Variants in ADGRG7 observed in about 807,000 individuals in gnomAD.
The protein encoded by ADGRG7 is G-protein coupled receptor 128.
Under a neutral mutation model 88.6 loss-of-function variants are expected in ADGRG7, and 82 were observed. That is an observed-to-expected ratio of 0.93 (90% CI 0.77 to 1.11). ADGRG7 has a LOEUF of 1.11. Among genes scored for constraint, ADGRG7 ranks in the 50% most tolerant of loss-of-function variants. The probability of loss-of-function intolerance (pLI) is 0.00; values close to 1 mark genes in which losing one functional copy is unlikely to be tolerated. For synonymous variants in ADGRG7, 381 were observed against 345.2 expected, an observed-to-expected ratio of 1.10 and a Z score of -1.15; for missense variants, 945 against 953.4, an observed-to-expected ratio of 0.99 and a Z score of 0.12.
At chr3:100,658,192 C>T (rs886701561) in intron 13 of ADGRG7, among the ~76,000 whole-genome samples, 21 of 152,132 alleles carry the variant, frequency 1.4e-4, no homozygotes, top group Admixed American at 5.9e-4. Context: ...CATACCACAT[C>T]CAACCCATCA....
intron 1 of ADGRG7, among the ~76,000 whole-genome samples, chr3:100,620,709 T>C (rs985381751): frequency 2.0e-5 from 3 of 152,170 alleles, no homozygotes; most frequent in African/African-American, 7.2e-5. Context: ...GGAGAATCTG[T>C]CCCTCACAGA....
At chr3:100,654,520 G>A (rs1227617659) in intron 11 of ADGRG7, 13 of 240,768 alleles carry the variant, frequency 5.4e-5, no homozygotes, top group African/African-American at 1.8e-4. Flanking sequence ...GGACTACGCA[G>A]GGCTACCTAC....
In ADGRG7 at chr3:100,633,283, T is replaced by A. The variant is rs1707481272; in HGVS notation, c.353T>A (p.Val118Asp). The A allele has an allele frequency of 6.7e-7, 1 of 1,489,920 alleles. No individual in the cohort carries two copies. The highest frequency in any genetic ancestry group is 9.0e-7 in the Non-Finnish European group (1 of 1,117,050). The allele number at this position is 1,489,920 out of a possible 1,614,324, so 92.3% of individuals were successfully genotyped here. ...DTPNAGNPMA[V>D]RLCSLSLYGE... Reference sequence around the variant, plus strand: ...ATTAAAGCGGGCAATCCAATGGCAGTCCGGTTGTGCAGTCTCTCTCTATAT... The same window carrying A: ...ATTAAAGCGGGCAATCCAATGGCAGACCGGTTGTGCAGTCTCTCTCTATAT... The change falls in exon 4 of 16, where the codon GTC becomes GAC. Residue 118 changes from valine (V) to aspartate (D), a missense_variant. Physicochemically the swap from Val to Asp is radical, Grantham distance 152. Transcript: ENST00000273352.
intron 15 of ADGRG7, among the ~76,000 whole-genome samples, chr3:100,683,702 T>C (rs533041335): frequency 1.3e-5 from 2 of 152,362 alleles, no homozygotes; most frequent in South Asian, 2.1e-4. Flanking sequence ...CCCAGTGGGC[T>C]AGAGCTAAAT....
chr3:100,655,009 C>T lies in ADGRG7; in HGVS notation c.1554C>T (p.Thr518=), dbSNP rs773434233. ...FDNNDIPRTD[T]INIPNPMCTA... is the part of the protein sequence containing the mutation. ...ATAATGACATACCCAGGACAGACAC[C>T]ATTAACATCCCGAATCCCATGTGCA... is the stretch of plus-strand genomic sequence containing the variant. The change falls in exon 12 of 16, where the codon ACC becomes ACT. Residue 518 remains threonine (T), a synonymous_variant. Coordinates refer to ENST00000273352, the MANE Select transcript of ADGRG7 (RefSeq NM_032787.3). 16 of 1,614,078 alleles carry T rather than the reference C, an allele frequency of 9.9e-6. No homozygotes were observed. The highest frequency in any genetic ancestry group is 1.4e-5 in the Non-Finnish European group (16 of 1,180,006).
At chr3:100,693,809 T>C (rs2094997779) in intron 15 of ADGRG7, among the ~76,000 whole-genome samples, 1 of 152,194 alleles carries the variant, frequency 6.6e-6, no homozygotes, top group African/African-American at 2.4e-5. Context: ...ATTGGCACAA[T>C]ATTATCAACT....
chr3:100,687,352 A>G (rs1192382193), intron 15 of ADGRG7, among the ~76,000 whole-genome samples: 1 of 152,086 alleles, frequency 6.6e-6, no homozygotes, highest in Non-Finnish European at 1.5e-5. Flanking sequence ...TCTTTTCCTA[A>G]TTGAATACCC....
At position 100,627,005 on chromosome 3, in the gene ADGRG7, C is replaced by A. The variant is rs561304313; in HGVS notation, c.116-2593C>A. Among the ~76,000 whole-genome samples the A allele has an allele frequency of 2.0e-5, 3 of 152,246 alleles. No homozygotes were observed. The South Asian group carries it at 6.2e-4, about 32-fold the overall frequency. ...TAGTAACTTTTTGGAGATATCTTAG[C>A]ATTTCATATATTTGATGATATCATC... On this transcript the variant is annotated intron_variant, in intron 1 of 15. Transcript: ENST00000273352.
At chr3:100,640,813 C>T (rs114363389) in intron 6 of ADGRG7, among the ~76,000 whole-genome samples, 149 of 152,208 alleles carry the variant, frequency 9.8e-4, no homozygotes, top group Admixed American at 2.0e-3. Context: ...TGAGCCACCG[C>T]GACGGGCTGA....
intron 15 of ADGRG7, among the ~76,000 whole-genome samples, chr3:100,693,237 T>C (rs944820730): frequency 6.6e-6 from 1 of 152,182 alleles, no homozygotes; most frequent in Non-Finnish European, 1.5e-5. Flanking sequence ...TACTTTAGAA[T>C]TTAAATTCTG....
chr3:100,675,222 A>T (rs190679773), intron 15 of ADGRG7, among the ~76,000 whole-genome samples: 34 of 152,296 alleles, frequency 2.2e-4, no homozygotes, highest in Admixed American at 2.1e-3. Context: ...GCATGATACT[A>T]GCTGTGAGTC....
intron 5 of ADGRG7, 129 bp from the exon 6 acceptor site, chr3:100,637,173 T>C: frequency 3.2e-6 from 2 of 629,140 alleles, no homozygotes; most frequent in Non-Finnish European, 5.6e-6. Context: ...TTTAATTTTG[T>C]AAAATGCTTC....
intron 15 of ADGRG7, among the ~76,000 whole-genome samples, chr3:100,688,689 G>C (rs907388944): frequency 2.6e-5 from 4 of 152,172 alleles, no homozygotes; most frequent in African/African-American, 9.7e-5. Flanking sequence ...GAGCGGTTTT[G>C]AGTGAGTTTC....
chr3:100,653,956 G>A (rs1008340290), intron 11 of ADGRG7, among the ~76,000 whole-genome samples: 1 of 152,140 alleles, frequency 6.6e-6, no homozygotes, highest in African/African-American at 2.4e-5. Context: ...CAGACACTTT[G>A]AAGGGTGAAA....
Position 100,655,066 on chromosome 3 carries a change from G to A in ADGRG7, c.1611G>A (p.Leu537=), listed in dbSNP as rs1214952714. Residue 537 remains leucine (L), a synonymous_variant, in exon 12 of 16, where the codon CTG becomes CTA. Transcript: ENST00000273352. Reference sequence around the variant, plus strand: ...TTGCCGCCTTACTGCACTATTTTCTGTTAGTGACATTTACCTGGAACGCAC... The same window carrying A: ...TTGCCGCCTTACTGCACTATTTTCTATTAGTGACATTTACCTGGAACGCAC... ...TAIAALLHYF[L]LVTFTWNALS... The A allele has an allele frequency of 6.2e-7, 1 of 1,613,984 alleles. No homozygotes were observed. Among genetic ancestry groups the A allele is most frequent in the Non-Finnish European group, 8.5e-7 (1 of 1,180,000 alleles).
intron 1 of ADGRG7, among the ~76,000 whole-genome samples, chr3:100,626,082 A>T (rs964112991): frequency 6.6e-6 from 1 of 152,194 alleles, no homozygotes; most frequent in African/African-American, 2.4e-5. Flanking sequence ...TCACAAGGAA[A>T]GGTACCAGCT....
intron 1 of ADGRG7, among the ~76,000 whole-genome samples, chr3:100,619,284 G>A (rs1707273582): frequency 6.6e-6 from 1 of 152,142 alleles, no homozygotes; most frequent in African/African-American, 2.4e-5. Flanking sequence ...CATGGAAACT[G>A]AACAACCTGC....
intron 12 of ADGRG7, 136 bp from the exon 13 acceptor site, chr3:100,655,763 G>T: frequency 1.7e-6 from 1 of 572,046 alleles, no homozygotes; most frequent in Non-Finnish European, 3.2e-6. Context: ...ACATCTGTAG[G>T]ATCACTTTGT....
intron 14 of ADGRG7, among the ~76,000 whole-genome samples, chr3:100,662,471 G>C (rs2245857): frequency 0.87 from 131,673 of 152,128 alleles, 59,434 homozygotes; most frequent in Non-Finnish European, 1. Context: ...CAACTTTTTT[G>C]CTAATATAAT....
Sources: gnomAD v4.1 joint callset for allele counts (sites outside exome capture counted in the v4.1 genomes callset) on GRCh38, gnomAD v4.1.1 for gene constraint, MANE v1.5 for transcripts, NCBI Gene and HGNC (gene_info 2026-07-23, HGNC 2026-07-21) for gene names.